The following TTC28 variants were observed in gnomAD, a reference collection of about 807,000 sequenced individuals.
TTC28 encodes tetratricopeptide repeat domain 28.
Under a neutral mutation model 198.0 loss-of-function variants are expected in TTC28, and 61 were observed. That is an observed-to-expected ratio of 0.31 (90% confidence interval 0.25 to 0.38). The LOEUF is 0.38. TTC28 is among the 10% of genes least tolerant of loss of function. The pLI is 1.00. For missense variants in TTC28, 2,678 were observed against 3,164.0 expected (o/e 0.85, Z 3.69); for synonymous variants, 1,171 against 1,297.8 (o/e 0.90, Z 2.10).
At chr22:28,073,601 C>T (rs1247835036) in intron 12 of TTC28, among the ~76,000 whole-genome samples, 3 of 152,276 alleles carry the variant, frequency 2.0e-5, no homozygotes, top group East Asian at 3.9e-4. Context: ...TCCAGGTCTC[C>T]GCAGACAGTG....
intron 5 of TTC28, among the ~76,000 whole-genome samples, chr22:28,275,648 T>G (rs1932372210): frequency 6.6e-6 from 1 of 152,122 alleles, no homozygotes; most frequent in Non-Finnish European, 1.5e-5. Context: ...TCCAGCTGCT[T>G]TTTTGGAGAG....
intron 2 of TTC28, among the ~76,000 whole-genome samples, chr22:28,394,380 A>T (rs1237497664): frequency 6.6e-6 from 1 of 152,218 alleles, no homozygotes; most frequent in African/African-American, 2.4e-5. Flanking sequence ...AAACAACTAA[A>T]AACATTTTAT....
intron 2 of TTC28, among the ~76,000 whole-genome samples, chr22:28,364,235 G>C (rs2046208225): frequency 6.6e-6 from 1 of 152,082 alleles, no homozygotes; most frequent in Non-Finnish European, 1.5e-5. Context: ...AGATCTGATG[G>C]TTTTATAAAA....
At chr22:28,602,328 G>C (rs2050652708) in intron 2 of TTC28, among the ~76,000 whole-genome samples, 1 of 152,104 alleles carries the variant, frequency 6.6e-6, no homozygotes, top group African/African-American at 2.4e-5. Context: ...ATTGATCCTG[G>C]ACCAGAAGGG....
chr22:28,237,888 G>A (rs1569215106), intron 5 of TTC28, among the ~76,000 whole-genome samples: 1 of 152,070 alleles, frequency 6.6e-6, no homozygotes, highest in Non-Finnish European at 1.5e-5. Context: ...TGAATTCTGG[G>A]GGGAGAGTTT....
intron 2 of TTC28, among the ~76,000 whole-genome samples, chr22:28,401,543 AGGT>A (rs2046909243): frequency 6.6e-6 from 1 of 152,132 alleles, no homozygotes; most frequent in Admixed American, 6.5e-5. Context: ...TGAACCCAGG[AGGT>A]GGAAGTTGCA....
chr22:28,317,750 C>A lies in TTC28; in HGVS notation c.382-11107G>T, dbSNP rs150106818. Among the ~76,000 whole-genome samples, 37 of 152,268 alleles carry A rather than the reference C, an allele frequency of 2.4e-4. No individual in the cohort carries two copies. The East Asian group carries it at 6.8e-3, about 28-fold the overall frequency. ...ACTTTAGTTTCCCTGTGTTGCCATA[C>A]ATATCCTGTAATTAGGTCTACATAA... is the stretch of plus-strand genomic sequence containing the variant. On this transcript the variant is annotated intron_variant, in intron 2 of 22. Coordinates refer to ENST00000397906, the MANE Select transcript of TTC28 (RefSeq NM_001145418.2).
rs754700795 is a variant in TTC28 at position 28,243,174 on chromosome 22, C to CAAAAAAAAAAAAAAAAAAAAAAA, written c.933+53001_933+53023dup. 2.8e-4 allele frequency among the ~76,000 whole-genome samples: 19 copies of CAAAAAAAAAAAAAAAAAAAAAAA among 68,330 alleles called. 1 individual carries two copies. Among genetic ancestry groups the CAAAAAAAAAAAAAAAAAAAAAAA allele is most frequent in the Admixed American group, 4.0e-4 (2 of 5,044 alleles). 44.8% of individuals were successfully genotyped at this position (68,330 alleles called of 152,430 possible). A position where few individuals can be genotyped will look rare whatever the true frequency, so the allele number is the denominator to read the frequency against. On this transcript the variant is annotated intron_variant, in intron 5 of 22. Transcript: ENST00000397906. The stretch of plus-strand genomic sequence containing the variant: ...GCAACCTGGCAAAACCCCCTCTCTA[C>CAAAAAAAAAAAAAAAAAAAAAAA]AAAAAAAAAAAAAAAAAAAAAAAAA...
intron 2 of TTC28, among the ~76,000 whole-genome samples, chr22:28,496,880 C>T (rs2048462944): frequency 6.6e-6 from 1 of 152,160 alleles, no homozygotes; most frequent in Non-Finnish European, 1.5e-5. Flanking sequence ...CTCACTTGCT[C>T]CAGACACACT....
At chr22:28,399,846 AGAG>A (rs1418163078) in intron 2 of TTC28, among the ~76,000 whole-genome samples, 5 of 152,162 alleles carry the variant, frequency 3.3e-5, no homozygotes, top group South Asian at 2.1e-4. Context: ...TCTACAACCA[AGAG>A]GAGAATTCAC....
chr22:28,062,087 G>A (rs1940564397), intron 12 of TTC28, among the ~76,000 whole-genome samples: 1 of 151,462 alleles, frequency 6.6e-6, no homozygotes, highest in Non-Finnish European at 1.5e-5. Context: ...TCCCTCTGTT[G>A]CCTAGGCTGG....
intron 2 of TTC28, among the ~76,000 whole-genome samples, chr22:28,413,232 A>G (rs1219493667): frequency 6.6e-6 from 1 of 152,042 alleles, no homozygotes; most frequent in African/African-American, 2.4e-5. Context: ...TCAAGAGATC[A>G]AGACCATCCT....
At chr22:28,475,938 T>G (rs1197781291) in intron 2 of TTC28, among the ~76,000 whole-genome samples, 2 of 152,302 alleles carry the variant, frequency 1.3e-5, no homozygotes, top group African/African-American at 4.8e-5. Context: ...TTGCAAAAAT[T>G]TCTGCTTTGA....
intron 2 of TTC28, among the ~76,000 whole-genome samples, chr22:28,315,798 A>G (rs1692121989): frequency 6.6e-6 from 1 of 152,204 alleles, no homozygotes; most frequent in Admixed American, 6.5e-5. Flanking sequence ...ACAATGTAGC[A>G]GTCTCAGTTG....
At chr22:28,497,429 T>C (rs1451643822) in intron 2 of TTC28, among the ~76,000 whole-genome samples, 2 of 152,200 alleles carry the variant, frequency 1.3e-5, no homozygotes, top group South Asian at 4.1e-4. Context: ...TACTGATTTA[T>C]TTATTATTTA....
intron 1 of TTC28, among the ~76,000 whole-genome samples, chr22:28,640,891 C>T (rs1290532794): frequency 6.6e-6 from 1 of 152,076 alleles, no homozygotes. Context: ...AACTGAAAAC[C>T]TGTCCATGGA....
At chr22:28,431,012 C>A (rs536802098) in intron 2 of TTC28, among the ~76,000 whole-genome samples, 1 of 151,994 alleles carries the variant, frequency 6.6e-6, no homozygotes, top group East Asian at 1.9e-4. Flanking sequence ...ACTACTCTAC[C>A]GTGAAGACTC....
chr22:28,595,913 ACT>A (rs1222364151), intron 2 of TTC28, among the ~76,000 whole-genome samples: 2 of 152,136 alleles, frequency 1.3e-5, no homozygotes, highest in Non-Finnish European at 2.9e-5. Context: ...ACAGAGCGAG[ACT>A]CTGTCTCAAA....
chr22:28,443,439 C>G (rs1157095376), intron 2 of TTC28, among the ~76,000 whole-genome samples: 1 of 152,212 alleles, frequency 6.6e-6, no homozygotes, highest in Non-Finnish European at 1.5e-5. Flanking sequence ...TTCCAAAGAT[C>G]TGTAATCAGA....
Sources: allele counts gnomAD v4.1 joint callset (sites outside exome capture counted in the v4.1 genomes callset), GRCh38; gene constraint gnomAD v4.1.1; transcripts MANE v1.5; gene names NCBI Gene and HGNC (gene_info 2026-07-23, HGNC 2026-07-21).